NF2: variants seen among roughly 807,000 people sequenced by gnomAD.
NF2 encodes the protein merlin.
Under a neutral mutation model 83.7 loss-of-function variants are expected in NF2, and 8 were observed. The ratio of observed to expected loss-of-function variants is 0.10; its 90% CI spans 0.06 to 0.17. The LOEUF (loss-of-function observed/expected upper bound fraction) is 0.17, where lower values mean the gene tolerates loss of function less well. Among genes scored for constraint, NF2 ranks in the 10% least tolerant of loss-of-function variants. NF2 has a pLI of 1.00. For missense variants in NF2, 533 were observed against 744.4 expected (o/e 0.72, Z 3.31); for synonymous variants, 266 against 269.6 (o/e 0.99, Z 0.13).
In NF2 at chr22:29,654,720, A is replaced by G. The variant is rs1197697212; in HGVS notation, c.511A>G (p.Lys171Glu). ...TTTGGCCCAAGAGGAATTGCTTCCA[A>G]AAAGGGTAAGAGATTAAATTCCCTT... ...GFLAQEELLP[K>E]RVINLYQMTP... is the part of the protein sequence containing the mutation. The change falls in exon 5 of 16, where the codon AAA becomes GAA. Residue 171 changes from lysine (K) to glutamate (E), a missense_variant. By Grantham distance (56) the Lys-to-Glu change is moderately conservative (BLOSUM62 1). Transcript: ENST00000338641. The G allele has an allele frequency of 3.7e-6, 6 of 1,612,874 alleles. No individual in the cohort carries two copies. The highest frequency in any genetic ancestry group is 4.5e-5 in the East Asian group (2 of 44,892).
At chr22:29,650,462 C>T (rs372374891) in intron 4 of NF2, among the ~76,000 whole-genome samples, 3 of 152,214 alleles carry the variant, frequency 2.0e-5, no homozygotes, top group African/African-American at 7.2e-5. Context: ...ATTTGTATTT[C>T]TTTGTTCTGT....
chr22:29,697,567 T>C lies in NF2; in HGVS notation c.*2765T>C. The C allele has an allele frequency of 7.1e-6, 1 of 140,056 alleles. No homozygotes were observed. Among genetic ancestry groups the C allele is most frequent in the East Asian group, 2.0e-4 (1 of 5,046 alleles). The allele number at this position is 140,056 out of a possible 1,614,324, so 8.7% of individuals were successfully genotyped here. A position where few individuals can be genotyped will look rare whatever the true frequency, so the allele number is the denominator to read the frequency against. On this transcript the variant is annotated 3_prime_UTR_variant, in exon 16 of 16. Coordinates refer to ENST00000338641, the MANE Select transcript of NF2 (RefSeq NM_000268.4). The stretch of plus-strand genomic sequence containing the variant: ...TCCTGTGGCTGGGATGACTGCATCC[T>C]TTTTTTTTTTTTTTTGAGACGGAGT...
Position 29,688,412 on chromosome 22 carries a change from C to T in NF2, c.1738-6340C>T, listed in dbSNP as rs543258166. On this transcript the variant is annotated intron_variant, in intron 15 of 15. Transcript: ENST00000338641. ...TTCTGCGAGCCCGAGGTTCTGTTCT[C>T]ATGATCCTTGCTGTGATTTCTCTTT... is the stretch of plus-strand genomic sequence containing the variant. Among the ~76,000 whole-genome samples the T allele has an allele frequency of 2.6e-5, 4 of 152,376 alleles. No homozygotes were observed. In the East Asian group the frequency reaches 7.7e-4, roughly 29 times the overall value.
At chr22:29,613,681 T>A (rs1316002771) in intron 1 of NF2, among the ~76,000 whole-genome samples, 1 of 152,074 alleles carries the variant, frequency 6.6e-6, no homozygotes, top group African/African-American at 2.4e-5. Flanking sequence ...CAAAGACCAT[T>A]CAGTGGGGGA....
chr22:29,645,352 G>T (rs1439418034), intron 4 of NF2, among the ~76,000 whole-genome samples: 2 of 152,130 alleles, frequency 1.3e-5, no homozygotes, highest in Non-Finnish European at 2.9e-5. Context: ...ACAATCTTGG[G>T]CAAAGCTAAG....
intron 4 of NF2, among the ~76,000 whole-genome samples, chr22:29,645,833 C>A (rs2065968467): frequency 6.6e-6 from 1 of 152,150 alleles, no homozygotes. Flanking sequence ...TAATTTGGAT[C>A]GTACTAATTT....
chr22:29,686,460 A>T (rs1390087709), intron 15 of NF2, among the ~76,000 whole-genome samples: 1 of 152,200 alleles, frequency 6.6e-6, no homozygotes, highest in Admixed American at 6.5e-5. Context: ...ACCAACATGG[A>T]GAAACCCCGT....
intron 4 of NF2, among the ~76,000 whole-genome samples, chr22:29,649,541 A>C (rs1380421037): frequency 6.6e-6 from 1 of 152,168 alleles, no homozygotes; most frequent in African/African-American, 2.4e-5. Context: ...TTTCTCCAGA[A>C]AAAGGCAAAA....
intron 1 of NF2, among the ~76,000 whole-genome samples, chr22:29,608,422 A>G (rs1417198792): frequency 2.0e-5 from 3 of 150,842 alleles, no homozygotes; most frequent in African/African-American, 7.3e-5. Context: ...CTTTGGGAGT[A>G]CTCTGGGAGG....
chr22:29,611,150 T>C (rs1018731953), intron 1 of NF2, among the ~76,000 whole-genome samples: 2 of 152,090 alleles, frequency 1.3e-5, no homozygotes, highest in Non-Finnish European at 2.9e-5. Flanking sequence ...ATAAAAACAC[T>C]AAATAAACTA....
intron 7 of NF2, among the ~76,000 whole-genome samples, chr22:29,659,259 T>A (rs2066406840): frequency 6.6e-6 from 1 of 152,248 alleles, no homozygotes; most frequent in South Asian, 2.1e-4. Context: ...TTTTGTCAAC[T>A]CAACTCCTCT....
chr22:29,621,396 A>G (rs1225942530), intron 1 of NF2, among the ~76,000 whole-genome samples: 1 of 152,254 alleles, frequency 6.6e-6, no homozygotes, highest in Non-Finnish European at 1.5e-5. Context: ...TTGAGTAATT[A>G]CTGGTAAAGT....
At chr22:29,658,655 T>C (rs891308689) in intron 7 of NF2, among the ~76,000 whole-genome samples, 1 of 88,398 alleles carries the variant, frequency 1.1e-5, no homozygotes, top group African/African-American at 4.5e-5. Flanking sequence ...CAGGCACTAG[T>C]AGAGTAGATC....
chr22:29,650,104 T>A (rs561197962), intron 4 of NF2, among the ~76,000 whole-genome samples: 1 of 152,154 alleles, frequency 6.6e-6, no homozygotes, highest in East Asian at 1.9e-4. Context: ...GTACAGGACT[T>A]CTTTTTGGGG....
intron 9 of NF2, among the ~76,000 whole-genome samples, chr22:29,667,816 T>C (rs548140377): frequency 6.6e-6 from 1 of 152,382 alleles, no homozygotes. Context: ...TGTGTCTTAC[T>C]TGGCATCTTC....
intron 1 of NF2, among the ~76,000 whole-genome samples, chr22:29,617,823 G>T (rs534174684): frequency 6.6e-6 from 1 of 152,322 alleles, no homozygotes; most frequent in South Asian, 2.1e-4. Context: ...ACTTTGAATA[G>T]CAGAGCAGTA....
intron 10 of NF2, among the ~76,000 whole-genome samples, chr22:29,671,422 G>A (rs1471693808): frequency 1.3e-5 from 2 of 152,046 alleles, no homozygotes; most frequent in East Asian, 1.9e-4. Context: ...CCAGCTACTC[G>A]GGAGGCTGAG....
chr22:29,628,497 A>G (rs1192529702), intron 1 of NF2, among the ~76,000 whole-genome samples: 2 of 151,998 alleles, frequency 1.3e-5, no homozygotes, highest in African/African-American at 2.4e-5. Flanking sequence ...TAGATTTGGC[A>G]TAATAACAGA....
intron 8 of NF2, 131 bp downstream of exon 8, chr22:29,661,470 G>A: frequency 7.3e-7 from 1 of 1,376,878 alleles, no homozygotes; most frequent in Non-Finnish European, 1.0e-6. Context: ...TTGAGGGTGT[G>A]GTTGTTGATT....
Sources: gnomAD v4.1 joint callset for allele counts (sites outside exome capture counted in the v4.1 genomes callset) on GRCh38, gnomAD v4.1.1 for gene constraint, MANE v1.5 for transcripts, NCBI Gene and HGNC (gene_info 2026-07-23, HGNC 2026-07-21) for gene names.